TMCO4: variants seen among roughly 807,000 people sequenced by gnomAD.
The protein encoded by TMCO4 is transmembrane and coiled-coil domain-containing protein 4.
A neutral mutation model predicts 64.7 loss-of-function variants in TMCO4; 58 were observed. The observed-to-expected ratio is 0.90, with a 90% confidence interval of 0.73 to 1.12. The LOEUF is 1.12. Among genes scored for constraint, TMCO4 ranks in the 50% most tolerant of loss-of-function variants. TMCO4 has a pLI of 0.00. For missense variants in TMCO4, 780 were observed against 825.9 expected, an observed-to-expected ratio of 0.94 and a Z score of 0.68; for synonymous variants, 325 against 346.1, an observed-to-expected ratio of 0.94 and a Z score of 0.68.
At chr1:19,746,694 G>C in intron 8 of TMCO4, 95 bp from the exon 9 acceptor site, 1 of 1,442,498 alleles carries the variant, frequency 6.9e-7, no homozygotes. Context: ...GGAGGCCGAG[G>C]TGGGCGGATC....
intron 8 of TMCO4, 141 bp from the exon 9 acceptor site, chr1:19,746,740 C>G (rs576446331): frequency 6.3e-6 from 7 of 1,105,914 alleles, no homozygotes. Context: ...CTGGCTAACA[C>G]GGTGAAACCT....
intron 13 of TMCO4, among the ~76,000 whole-genome samples, chr1:19,730,620 T>A (rs2095426231): frequency 6.6e-6 from 1 of 152,194 alleles, no homozygotes; most frequent in South Asian, 2.1e-4. Flanking sequence ...AAGGGCAGGC[T>A]GGGCTGTAAG....
At chr1:19,797,358 T>C (rs1050877433) in intron 2 of TMCO4, among the ~76,000 whole-genome samples, 5 of 151,922 alleles carry the variant, frequency 3.3e-5, no homozygotes, top group African/African-American at 4.8e-5. Flanking sequence ...AGGGCTAAAA[T>C]GTGAAGAATG....
chr1:19,696,858 C>A (rs1412793737), intron 14 of TMCO4, among the ~76,000 whole-genome samples: 1 of 152,184 alleles, frequency 6.6e-6, no homozygotes, highest in East Asian at 1.9e-4. Context: ...AGGTTCTGTA[C>A]CCTCTCACTG....
intron 12 of TMCO4, among the ~76,000 whole-genome samples, chr1:19,738,050 A>G (rs2095463501): frequency 6.6e-6 from 1 of 152,266 alleles, no homozygotes; most frequent in Admixed American, 6.5e-5. Flanking sequence ...GATCATGTCA[A>G]GACTCTAAAG....
intron 3 of TMCO4, among the ~76,000 whole-genome samples, chr1:19,784,526 T>A (rs565966312): frequency 9.2e-5 from 14 of 152,168 alleles, no homozygotes; most frequent in African/African-American, 3.4e-4. Flanking sequence ...AGAGCAAGAC[T>A]CCATCTAACA....
intron 3 of TMCO4, among the ~76,000 whole-genome samples, chr1:19,785,034 C>T (rs1283012750): frequency 6.6e-6 from 1 of 152,094 alleles, no homozygotes; most frequent in Non-Finnish European, 1.5e-5. Flanking sequence ...ATCTCATGTC[C>T]CCACACCGGT....
intron 14 of TMCO4, among the ~76,000 whole-genome samples, 199 bp from the exon 15 acceptor site, chr1:19,694,750 A>G (rs2095224396): frequency 6.6e-6 from 1 of 152,224 alleles, no homozygotes. Context: ...GGTGCCAGGC[A>G]TGGTGTGCAG....
chr1:19,729,484 G>T (rs1048261429), intron 13 of TMCO4, among the ~76,000 whole-genome samples: 2 of 150,382 alleles, frequency 1.3e-5, no homozygotes, highest in South Asian at 2.2e-4. Context: ...AACTAAAAAA[G>T]CCCTGGCGCA....
chr1:19,783,981 G>C (rs987559801), intron 3 of TMCO4, among the ~76,000 whole-genome samples: 2 of 152,198 alleles, frequency 1.3e-5, no homozygotes, highest in African/African-American at 4.8e-5. Flanking sequence ...CATGAACTAA[G>C]GGCAGTGCCA....
At chr1:19,695,401 C>A (rs1385849313) in intron 14 of TMCO4, among the ~76,000 whole-genome samples, 2 of 152,242 alleles carry the variant, frequency 1.3e-5, no homozygotes, top group South Asian at 4.1e-4. Context: ...TGCCCTCGGG[C>A]CTTGCCGCCC....
chr1:19,692,407 T>C (rs752945203), intron 15 of TMCO4, among the ~76,000 whole-genome samples: 1 of 152,086 alleles, frequency 6.6e-6, no homozygotes, highest in Non-Finnish European at 1.5e-5. Flanking sequence ...TGACCTTGTC[T>C]GTACAATGGG....
In TMCO4 at chr1:19,700,849, C is replaced by T. The variant is rs140356141; in HGVS notation, c.1301G>A (p.Gly434Asp). The change falls in exon 14 of 16, where the codon GGT (glycine) becomes GAT (aspartate). Residue 434 changes from glycine (G) to aspartate (D), a missense_variant. Coordinates refer to ENST00000294543, the MANE Select transcript of TMCO4 (RefSeq NM_181719.7). The part of the protein sequence containing the change: ...QGIIEDVILL[G>D]APVEGEAKHW... Reference sequence around the variant, plus strand: ...CTTGGCTTCTCCCTCCACAGGCGCACCCAGCAGGATGACGTCCTCGATGAT... The same window carrying T: ...CTTGGCTTCTCCCTCCACAGGCGCATCCAGCAGGATGACGTCCTCGATGAT... 3 of 1,614,120 alleles carry T rather than the reference C, an allele frequency of 1.9e-6. No homozygotes were observed. The highest frequency in any genetic ancestry group is 1.3e-5 in the African/African-American group (1 of 74,950).
In TMCO4 at chr1:19,793,189, TTCTC is replaced by T. The variant is rs550973511; in HGVS notation, c.-101+4944_-101+4947del. Among the ~76,000 whole-genome samples the T allele has an allele frequency of 4.6e-5, 7 of 151,828 alleles. No individual in the cohort carries two copies. The South Asian group carries it at 1.2e-3, about 27-fold the overall frequency. On this transcript the variant is annotated intron_variant, in intron 2 of 15. Transcript: ENST00000294543. ...TGCAGCTCCTGGACCCCACCAGGCT[TTCTC>T]TCTCTCTCCTTTTTCTGATTGCAGT... is the stretch of plus-strand genomic sequence containing the variant.
intron 7 of TMCO4, among the ~76,000 whole-genome samples, chr1:19,748,147 C>G (rs549498870): frequency 1.3e-5 from 2 of 152,222 alleles, no homozygotes; most frequent in African/African-American, 4.8e-5. Flanking sequence ...ATAACAGTCA[C>G]TACCTCCCCA....
Position 19,780,683 on chromosome 1 carries a change from G to A in TMCO4, c.76C>T (p.Pro26Ser). Residue 26 changes from proline (P) to serine (S), a missense_variant, in exon 4 of 16, where the codon CCA (proline) becomes TCA (serine). Pro to Ser is a moderately conservative substitution (Grantham distance 74, BLOSUM62 -1). Transcript: ENST00000294543. ...AGCTCCCGGCCCGTGGGCAGGTGTG[G>A]CTCCCCCTCTGCAGTGGGCTCAGCT... ...LVAEPTAEGEPHLPTGRELTE... is the reference protein window; with the variant it reads ...LVAEPTAEGESHLPTGRELTE... 2 of 1,613,902 alleles carry A rather than the reference G, an allele frequency of 1.2e-6. No individual in the cohort carries two copies. The highest frequency in any genetic ancestry group is 1.7e-6 in the Non-Finnish European group (2 of 1,179,972).
chr1:19,754,455 C>T (rs2042155474), intron 7 of TMCO4, among the ~76,000 whole-genome samples: 1 of 152,090 alleles, frequency 6.6e-6, no homozygotes, highest in African/African-American at 2.4e-5. Flanking sequence ...GGAAATACCC[C>T]TTTTCTTTGC....
intron 13 of TMCO4, among the ~76,000 whole-genome samples, chr1:19,730,632 G>A (rs2095426283): frequency 6.6e-6 from 1 of 152,196 alleles, no homozygotes. Context: ...GGCTGTAAGG[G>A]GCACCTTGGG....
chr1:19,747,260 T>C lies in TMCO4; in HGVS notation c.516A>G (p.Glu172=). The change falls in exon 8 of 16, where the codon GAA becomes GAG. Residue 172 remains glutamate, a splice_region_variant and synonymous_variant. Coordinates refer to ENST00000294543, the MANE Select transcript of TMCO4 (RefSeq NM_181719.7). ...SLKEIKEEES[E]MAEASRKKKE... ...TCTTCTTTCGGGATGCCTCGGCCAT[T>C]CTGAGGGAAAAGAGGCTGGTCTTTA... 1.2e-6 allele frequency: 2 copies of C among 1,613,128 alleles called. No homozygotes were observed. The highest frequency in any genetic ancestry group is 1.7e-6 in the Non-Finnish European group (2 of 1,179,750).
Sources: allele counts gnomAD v4.1 joint callset (sites outside exome capture counted in the v4.1 genomes callset), GRCh38; gene constraint gnomAD v4.1.1; transcripts MANE v1.5; gene names NCBI Gene and HGNC (gene_info 2026-07-23, HGNC 2026-07-21).